Variants in SLC9A7 observed in about 807,000 individuals in gnomAD.
The protein encoded by SLC9A7 is sodium/hydrogen exchanger 7.
Under a neutral mutation model 52.6 loss-of-function variants are expected in SLC9A7, and 19 were observed. The ratio of observed to expected loss-of-function variants is 0.36; its 90% confidence interval spans 0.25 to 0.53. The LOEUF (loss-of-function observed/expected upper bound fraction) is 0.53. Among genes scored for constraint, SLC9A7 ranks in the 20% least tolerant of loss-of-function variants. The pLI is 0.91. For synonymous variants in SLC9A7, 226 were observed against 252.1 expected (o/e 0.90, Z 0.98); for missense variants, 455 against 597.9 (o/e 0.76, Z 2.49).
At chrX:46,721,790 G>A (rs73493100) in intron 1 of SLC9A7, among the ~76,000 whole-genome samples, 2,262 of 111,939 alleles carry the variant, frequency 0.02, 51 homozygotes, top group African/African-American at 0.069. Flanking sequence ...CTTCAGTCTA[G>A]AGCAGGTAGG....
chrX:46,603,108 C>T lies in SLC9A7; in HGVS notation c.*3844G>A, dbSNP rs1942684266. On this transcript the variant is annotated 3_prime_UTR_variant, in exon 17 of 17. Coordinates refer to ENST00000616978, the MANE Select transcript of SLC9A7 (RefSeq NM_001257291.2). ...AGCTTCCTAACACACAAAGAAAGGC[C>T]GGGGTAGGGTTACTGGGCAAATGCT... 9.0e-6 allele frequency: 1 copy of T among 111,064 alleles called. No individual in the cohort carries two copies. The highest frequency in any genetic ancestry group is 9.6e-5 in the Admixed American group (1 of 10,443). 9.2% of individuals were successfully genotyped at this position (111,064 alleles called of 1,213,427 possible).
intron 7 of SLC9A7, among the ~76,000 whole-genome samples, chrX:46,655,742 T>G (rs1220964730): frequency 2.7e-5 from 3 of 112,529 alleles, no homozygotes; most frequent in Non-Finnish European, 5.6e-5. Flanking sequence ...GTCTCGCTGA[T>G]TGCTAGCACA....
intron 7 of SLC9A7, among the ~76,000 whole-genome samples, chrX:46,654,006 T>C (rs1943628242): frequency 9.0e-6 from 1 of 111,196 alleles, no homozygotes; most frequent in African/African-American, 3.3e-5. Flanking sequence ...GACAGGGAGA[T>C]GGCTACATGA....
intron 3 of SLC9A7, among the ~76,000 whole-genome samples, chrX:46,676,198 T>C (rs1397196826): frequency 9.1e-6 from 1 of 109,782 alleles, no homozygotes; most frequent in East Asian, 2.9e-4. Flanking sequence ...TTGTGACAGG[T>C]GTCTGAGGTG....
chrX:46,614,633 G>A (rs1942914492), intron 15 of SLC9A7, among the ~76,000 whole-genome samples: 3 of 111,949 alleles, frequency 2.7e-5, no homozygotes, highest in Non-Finnish European at 3.8e-5. Context: ...AAGGTCAACG[G>A]ATAAGCAGAG....
intron 7 of SLC9A7, among the ~76,000 whole-genome samples, chrX:46,658,553 C>T (rs1473666846): frequency 9.0e-6 from 1 of 110,824 alleles, no homozygotes; most frequent in East Asian, 2.8e-4. Context: ...CACCACCGAT[C>T]CCACAGAAAC....
intron 1 of SLC9A7, among the ~76,000 whole-genome samples, chrX:46,718,410 C>A (rs994485988): frequency 1.8e-5 from 2 of 111,968 alleles, no homozygotes; most frequent in Non-Finnish European, 3.8e-5. Flanking sequence ...GTCTAAAACA[C>A]CAAAAGCAAT....
chrX:46,727,489 T>C (rs1944963595), intron 1 of SLC9A7, among the ~76,000 whole-genome samples: 1 of 112,022 alleles, frequency 8.9e-6, no homozygotes, highest in Non-Finnish European at 1.9e-5. Flanking sequence ...ACACATGAAA[T>C]ATTAAAGGCC....
In SLC9A7 at chrX:46,679,784, A is replaced by AT. The variant is rs1200695802; in HGVS notation, c.526-30dup. 14 of 977,104 alleles carry AT rather than the reference A, an allele frequency of 1.4e-5. No individual in the cohort carries two copies. The South Asian group carries it at 1.5e-4, about 11-fold the overall frequency. 80.5% of individuals were successfully genotyped at this position (977,104 alleles called of 1,213,427 possible). A position where few individuals can be genotyped will look rare whatever the true frequency, so the allele number is the denominator to read the frequency against. On this transcript the variant is annotated intron_variant, in intron 2 of 16. Coordinates refer to ENST00000616978, the MANE Select transcript of SLC9A7 (RefSeq NM_001257291.2). ...AAAGTTTAAAAAGAAAAAAAAGCCAATTTTTTATTTAACTCCAATTCATGC... is the reference window on the plus strand; with the variant it reads ...AAAGTTTAAAAAGAAAAAAAAGCCAATTTTTTTATTTAACTCCAATTCATGC...
chrX:46,653,788 A>T, intron 7 of SLC9A7, 74 bp from the exon 8 acceptor site: 1 of 748,141 alleles, frequency 1.3e-6, no homozygotes, highest in Non-Finnish European at 2.0e-6. Flanking sequence ...CCACTAGCCC[A>T]GGACCCCTCC....
At chrX:46,610,718 C>A (rs889455581) in intron 16 of SLC9A7, among the ~76,000 whole-genome samples, 1 of 111,715 alleles carries the variant, frequency 9.0e-6, no homozygotes, top group East Asian at 2.8e-4. Flanking sequence ...TGAAACATGA[C>A]CCCCAGAAGC....
chrX:46,748,805 G>A, intron 1 of SLC9A7, among the ~76,000 whole-genome samples: 1 of 110,221 alleles, frequency 9.1e-6, no homozygotes. Flanking sequence ...AAGGGTGGAT[G>A]GGGAGTTACT....
intron 1 of SLC9A7, among the ~76,000 whole-genome samples, chrX:46,742,065 C>G (rs1921390914): frequency 9.0e-6 from 1 of 110,862 alleles, no homozygotes; most frequent in South Asian, 3.8e-4. Context: ...AAATTAAAAC[C>G]ACAATGAGAT....
At chrX:46,659,850 C>T (rs1471864666) in intron 7 of SLC9A7, among the ~76,000 whole-genome samples, 1 of 96,132 alleles carries the variant, frequency 1.0e-5, no homozygotes, top group African/African-American at 4.0e-5. Context: ...CAATGACTTT[C>T]TTCACAGAAT....
chrX:46,752,205 T>C (rs1475807514), intron 1 of SLC9A7, among the ~76,000 whole-genome samples: 2 of 111,683 alleles, frequency 1.8e-5, no homozygotes, highest in East Asian at 2.8e-4. Flanking sequence ...AGGATTCATA[T>C]ACTTTACCCC....
chrX:46,703,529 G>T (rs1417128692), intron 1 of SLC9A7, among the ~76,000 whole-genome samples: 1 of 111,973 alleles, frequency 8.9e-6, no homozygotes, highest in Non-Finnish European at 1.9e-5. Context: ...CTTTCTGTTT[G>T]TTAGCAGAAT....
chrX:46,676,144 C>T (rs1285885245), intron 3 of SLC9A7, among the ~76,000 whole-genome samples: 1 of 110,898 alleles, frequency 9.0e-6, no homozygotes, highest in African/African-American at 3.3e-5. Flanking sequence ...AAGAGGGGGT[C>T]GTGGGAACCC....
At chrX:46,649,994 G>A (rs1943555776) in intron 10 of SLC9A7, among the ~76,000 whole-genome samples, 2 of 112,182 alleles carry the variant, frequency 1.8e-5, no homozygotes, top group African/African-American at 6.5e-5. Context: ...TGATCTTGCA[G>A]ATTTTTAGCT....
intron 14 of SLC9A7, among the ~76,000 whole-genome samples, chrX:46,625,478 G>A (rs1380650046): frequency 1.8e-5 from 2 of 111,075 alleles, no homozygotes; most frequent in African/African-American, 3.3e-5. Flanking sequence ...GGGAGGCTGA[G>A]GTGGGCAGAT....
Sources: gnomAD v4.1 joint callset for allele counts (sites outside exome capture counted in the v4.1 genomes callset) on GRCh38, gnomAD v4.1.1 for gene constraint, MANE v1.5 for transcripts, NCBI Gene and HGNC (gene_info 2026-07-23, HGNC 2026-07-21) for gene names.